The following TRA2B variants were observed in gnomAD, a reference collection of about 807,000 sequenced individuals.
The protein encoded by TRA2B is transformer-2 protein homolog beta.
TRA2B carries 14 observed loss-of-function variants against 41.7 expected under a neutral mutation model. The ratio of observed to expected loss-of-function variants is 0.34; its 90% CI spans 0.22 to 0.53. The LOEUF is 0.53. TRA2B is among the 20% of genes least tolerant of loss of function. The pLI is 0.95. For synonymous variants in TRA2B, 130 were observed against 128.8 expected (o/e 1.01, Z -0.06); for missense variants, 167 against 396.8 (o/e 0.42, Z 4.92).
At chr3:185,928,581 G>T (rs1385121695) in intron 1 of TRA2B, 3 of 152,072 alleles carry the variant, frequency 2.0e-5, no homozygotes, top group Non-Finnish European at 4.4e-5. Flanking sequence ...CAAAAATGAG[G>T]GTGTAGTTTT....
Position 185,915,317 on chromosome 3 carries a change from C to A in TRA2B, c.*2398G>T, listed in dbSNP as rs1365490835. Among the ~76,000 whole-genome samples the A allele has an allele frequency of 6.6e-6, 1 of 152,230 alleles. No homozygotes were observed. Among genetic ancestry groups the A allele is most frequent in the Non-Finnish European group, 1.5e-5 (1 of 68,040 alleles). ...TTACATTTGGTTTTAGTAGTCTCAG[C>A]CCTACAGCTATAAGAAATGGATTGT... On this transcript the variant is annotated 3_prime_UTR_variant, in exon 9 of 9. Transcript: ENST00000453386.
At chr3:185,931,504 T>C in intron 1 of TRA2B, 1 of 1,048,512 alleles carries the variant, frequency 9.5e-7, no homozygotes, top group Non-Finnish European at 1.2e-6. Flanking sequence ...TGTATATATT[T>C]TCCTCTATTA....
chr3:185,917,782 C>T, intron 8 of TRA2B, 57 bp from the exon 9 acceptor site: 3 of 1,561,364 alleles, frequency 1.9e-6, no homozygotes, highest in Non-Finnish European at 1.8e-6. Flanking sequence ...ATCAAGTATA[C>T]TTTAATGCCG....
At chr3:185,922,173 T>C (rs750316844) in intron 4 of TRA2B, 47 bp from the exon 5 acceptor site, 3 of 1,391,696 alleles carry the variant, frequency 2.2e-6, no homozygotes. Flanking sequence ...ACAAAGCCAC[T>C]AATTATCCTG....
rs1743483632 is a variant in TRA2B, at chr3:185,915,893, T to TC, written c.*1821_*1822insG. 2 of 152,064 alleles carry TC rather than the reference T, an allele frequency of 1.3e-5. No homozygotes were observed. Among genetic ancestry groups the TC allele is most frequent in the Admixed American group, 6.6e-5 (1 of 15,174 alleles). The allele number at this position is 152,064 out of a possible 1,614,324, so 9.4% of individuals were successfully genotyped here. ...TTCAGGAAAGGATGCCTGTATATAC[T>TC]ACCACGATAAAACCAGGTTTCTCAG... is the stretch of plus-strand genomic sequence containing the variant. On this transcript the variant is annotated 3_prime_UTR_variant, in exon 9 of 9. Coordinates refer to ENST00000453386, the MANE Select transcript of TRA2B (RefSeq NM_004593.3).
At chr3:185,917,809 C>A in intron 8 of TRA2B, 84 bp from the exon 9 acceptor site, 1 of 1,468,792 alleles carries the variant, frequency 6.8e-7, no homozygotes, top group Non-Finnish European at 9.5e-7. Context: ...TCAGAATATT[C>A]TGCCATTAAG....
chr3:185,924,264 T>A (rs1214309765), intron 3 of TRA2B: 1 of 277,970 alleles, frequency 3.6e-6, no homozygotes. Flanking sequence ...CTTCTATGAA[T>A]TTATTCTAAG....
intron 1 of TRA2B, among the ~76,000 whole-genome samples, chr3:185,933,086 G>T (rs1010489960): frequency 6.6e-6 from 1 of 152,112 alleles, no homozygotes; most frequent in Non-Finnish European, 1.5e-5. Context: ...AAATGCAATG[G>T]GAAATGTTTT....
chr3:185,925,362 T>G (rs538928900), intron 3 of TRA2B, 102 bp downstream of exon 3: 1 of 1,361,314 alleles, frequency 7.3e-7, no homozygotes, highest in South Asian at 1.4e-5. Flanking sequence ...AAGATTTCAC[T>G]CACGCACCAA....
intron 6 of TRA2B, among the ~76,000 whole-genome samples, chr3:185,920,424 T>A (rs1208203196): frequency 6.6e-6 from 1 of 152,228 alleles, no homozygotes; most frequent in Non-Finnish European, 1.5e-5. Flanking sequence ...CTTGGCTCAC[T>A]GCAGCTTCAA....
rs1396853185 is a variant in TRA2B, at chr3:185,930,817, C to CA, written c.37-4084dup. On this transcript the variant is annotated intron_variant, in intron 1 of 8. Transcript: ENST00000453386. ...CATTACAATAGCTAAATGTTGATAG[C>CA]AAAAAAGGAGAAATAGGAATGAAAG... Among the ~76,000 whole-genome samples the CA allele has an allele frequency of 4.6e-5, 7 of 151,890 alleles. No homozygotes were observed. The East Asian group carries it at 5.8e-4, about 13-fold the overall frequency.
Position 185,926,581 on chromosome 3 carries a change from CTCAAGACAG to C in TRA2B, c.170+11_170+19del. 2 of 1,613,670 alleles carry C rather than the reference CTCAAGACAG, an allele frequency of 1.2e-6. No individual in the cohort carries two copies. Among genetic ancestry groups the C allele is most frequent in the Non-Finnish European group, 1.7e-6 (2 of 1,179,732 alleles). ...TCAGAGCTAAGAGTAACGAGGAAAT[CTCAAGACAG>C]TCTTTCTTACCTAGATTCAGATCGG... On this transcript the variant is annotated intron_variant, in intron 2 of 8. Coordinates refer to ENST00000453386, the MANE Select transcript of TRA2B (RefSeq NM_004593.3).
At chr3:185,920,086 ATGAT>A (rs1560562407) in intron 6 of TRA2B, among the ~76,000 whole-genome samples, 1 of 152,194 alleles carries the variant, frequency 6.6e-6, no homozygotes, top group East Asian at 1.9e-4. Flanking sequence ...TTTTTAAACT[ATGAT>A]TGACATTTCC....
At chr3:185,936,910 T>C (rs1311643550) in intron 1 of TRA2B, 1 of 985,216 alleles carries the variant, frequency 1.0e-6, no homozygotes, top group Non-Finnish European at 1.2e-6. Flanking sequence ...ACTGAACACC[T>C]TTAAGAGGTG....
Position 185,937,435 on chromosome 3 carries a change from C to T in TRA2B, c.36+390G>A, listed in dbSNP as rs80322113. The T allele has an allele frequency of 4.9e-5, 51 of 1,030,654 alleles. No homozygotes were observed. The East Asian group carries it at 3.2e-3, about 65-fold the overall frequency. 63.8% of individuals were successfully genotyped at this position (1,030,654 alleles called of 1,614,324 possible). On this transcript the variant is annotated intron_variant, in intron 1 of 8. Coordinates refer to ENST00000453386, the MANE Select transcript of TRA2B (RefSeq NM_004593.3). ...GCGCGGCTTCTCCGCCATTTTGTGC[C>T]TCTGGCAGCTCGCCCAGCCCGCCAG...
intron 5 of TRA2B, among the ~76,000 whole-genome samples, 162 bp downstream of exon 5, chr3:185,921,849 T>C (rs775572088): frequency 5.3e-5 from 8 of 152,210 alleles, no homozygotes; most frequent in Non-Finnish European, 1.0e-4. Flanking sequence ...CCTGTAATGG[T>C]TGAACTTCTA....
chr3:185,920,290 G>A (rs2150111992), intron 6 of TRA2B, among the ~76,000 whole-genome samples: 1 of 152,258 alleles, frequency 6.6e-6, no homozygotes, highest in South Asian at 2.1e-4. Context: ...TTTCCAAAAT[G>A]GCTTATGAAA....
At chr3:185,921,772 A>C (rs1356761863) in intron 5 of TRA2B, among the ~76,000 whole-genome samples, 1 of 152,132 alleles carries the variant, frequency 6.6e-6, no homozygotes, top group Non-Finnish European at 1.5e-5. Flanking sequence ...TCAAAACAAA[A>C]CAAAAACAAA....
intron 1 of TRA2B, chr3:185,937,213 T>G (rs1390747343): frequency 1.0e-6 from 1 of 985,638 alleles, no homozygotes; most frequent in Non-Finnish European, 1.2e-6. Flanking sequence ...GGCCCAGAAC[T>G]TAGTCGGCCT....
Sources: gnomAD v4.1 joint callset for allele counts (sites outside exome capture counted in the v4.1 genomes callset) on GRCh38, gnomAD v4.1.1 for gene constraint, MANE v1.5 for transcripts, NCBI Gene and HGNC (gene_info 2026-07-23, HGNC 2026-07-21) for gene names.